Variants in CLEC16A observed in about 807,000 individuals in gnomAD.
The protein encoded by CLEC16A is C-type lectin domain containing 16A, also known as protein CLEC16A.
CLEC16A carries 51 observed loss-of-function variants against 109.5 expected under a neutral mutation model. That is an observed-to-expected ratio of 0.47 (90% CI 0.37 to 0.59). The LOEUF (loss-of-function observed/expected upper bound fraction) is 0.59. Among genes scored for constraint, CLEC16A ranks in the 20% least tolerant of loss-of-function variants. The probability of loss-of-function intolerance (pLI) is 0.00; values close to 1 mark genes in which losing one functional copy is unlikely to be tolerated. For missense variants in CLEC16A, 1,339 were observed against 1,394.0 expected, an observed-to-expected ratio of 0.96 and a Z score of 0.63; for synonymous variants, 673 against 564.2, an observed-to-expected ratio of 1.19 and a Z score of -2.73.
chr16:10,956,189 TC>T (rs1429057266), intron 1 of CLEC16A, among the ~76,000 whole-genome samples: 3 of 152,264 alleles, frequency 2.0e-5, no homozygotes, highest in Non-Finnish European at 4.4e-5. Flanking sequence ...TGAGGGCTCT[TC>T]TAATTACTGC....
chr16:11,084,466 G>C (rs1434559159), intron 19 of CLEC16A, among the ~76,000 whole-genome samples: 1 of 152,094 alleles, frequency 6.6e-6, no homozygotes, highest in South Asian at 2.1e-4. Flanking sequence ...ATGGAAATGC[G>C]AGTGGGTTAG....
chr16:11,042,495 C>T (rs2047394105), intron 15 of CLEC16A, 132 bp downstream of exon 15: 2 of 654,814 alleles, frequency 3.1e-6, no homozygotes, highest in Non-Finnish European at 5.2e-6. Context: ...GCAGCAGGGG[C>T]TGCTCTCTTG....
chr16:10,992,644 T>A (rs961232167), intron 10 of CLEC16A, among the ~76,000 whole-genome samples: 10 of 152,044 alleles, frequency 6.6e-5, no homozygotes, highest in African/African-American at 2.4e-4. Context: ...ATGAGCAGAA[T>A]GTGCTCCATC....
At chr16:10,994,283 T>C (rs2044203458) in intron 10 of CLEC16A, among the ~76,000 whole-genome samples, 1 of 152,226 alleles carries the variant, frequency 6.6e-6, no homozygotes, top group South Asian at 2.1e-4. Context: ...ATGTTGCAGC[T>C]GTGCATTCTT....
intron 22 of CLEC16A, among the ~76,000 whole-genome samples, chr16:11,145,893 C>T (rs919423450): frequency 6.6e-6 from 1 of 152,226 alleles, no homozygotes; most frequent in Non-Finnish European, 1.5e-5. Flanking sequence ...AGCCAAAGTC[C>T]TCACGGTAGC....
intron 19 of CLEC16A, among the ~76,000 whole-genome samples, chr16:11,061,318 C>G (rs2048468904): frequency 6.6e-6 from 1 of 152,164 alleles, no homozygotes; most frequent in Non-Finnish European, 1.5e-5. Flanking sequence ...GGTTCCTGTC[C>G]TCCCTATAAA....
intron 6 of CLEC16A, 144 bp downstream of exon 6, chr16:10,972,703 C>T (rs1327136001): frequency 1.2e-6 from 1 of 854,786 alleles, no homozygotes; most frequent in Non-Finnish European, 1.8e-6. Flanking sequence ...TAATGTTTAG[C>T]CCAACTAATT....
intron 13 of CLEC16A, among the ~76,000 whole-genome samples, chr16:11,029,826 C>T (rs972086891): frequency 6.6e-6 from 1 of 152,198 alleles, no homozygotes; most frequent in Non-Finnish European, 1.5e-5. Context: ...GAAATCATCA[C>T]CATGATCAAG....
chr16:11,092,600 G>A (rs2050377604), intron 19 of CLEC16A, among the ~76,000 whole-genome samples: 1 of 152,176 alleles, frequency 6.6e-6, no homozygotes, highest in South Asian at 2.1e-4. Context: ...GGCATTTCCA[G>A]CATTTCCTTG....
intron 10 of CLEC16A, among the ~76,000 whole-genome samples, chr16:10,991,039 T>C (rs1286468628): frequency 6.6e-6 from 1 of 152,168 alleles, no homozygotes; most frequent in East Asian, 1.9e-4. Flanking sequence ...TGGAGATATA[T>C]ACCCAGTGAG....
chr16:10,971,379 T>G, intron 5 of CLEC16A, 149 bp downstream of exon 5: 2 of 817,884 alleles, frequency 2.4e-6, no homozygotes, highest in South Asian at 3.9e-5. Flanking sequence ...AAACTTGGAA[T>G]CCCCTAGCAT....
chr16:11,021,699 G>C (rs115126836), intron 12 of CLEC16A, among the ~76,000 whole-genome samples: 1 of 152,184 alleles, frequency 6.6e-6, no homozygotes, highest in African/African-American at 2.4e-5. Context: ...TTGAGAGGCT[G>C]AGGTGGGAGA....
At chr16:11,148,950 A>G (rs2054182613) in intron 22 of CLEC16A, among the ~76,000 whole-genome samples, 1 of 152,250 alleles carries the variant, frequency 6.6e-6, no homozygotes, top group East Asian at 1.9e-4. Flanking sequence ...ATGATTATTT[A>G]TTAATTGTGA....
At chr16:11,122,645 T>C (rs924649952) in intron 20 of CLEC16A, among the ~76,000 whole-genome samples, 1 of 152,194 alleles carries the variant, frequency 6.6e-6, no homozygotes, top group Non-Finnish European at 1.5e-5. Flanking sequence ...ACCACAACCA[T>C]CTTCCTCTGT....
chr16:11,060,577 G>A (rs1198308207), intron 18 of CLEC16A, among the ~76,000 whole-genome samples: 4 of 152,226 alleles, frequency 2.6e-5, no homozygotes, highest in African/African-American at 9.6e-5. Flanking sequence ...TCTGTGAAAT[G>A]GGGCTGACTG....
intron 21 of CLEC16A, among the ~76,000 whole-genome samples, chr16:11,125,128 A>G (rs2052712655): frequency 6.6e-6 from 1 of 152,090 alleles, no homozygotes; most frequent in African/African-American, 2.4e-5. Flanking sequence ...GGCGTTACCG[A>G]TGCGATGATT....
At chr16:11,155,856 T>A (rs1412194133) in intron 22 of CLEC16A, among the ~76,000 whole-genome samples, 1 of 152,230 alleles carries the variant, frequency 6.6e-6, no homozygotes, top group East Asian at 1.9e-4. Flanking sequence ...TGGTGCTCTC[T>A]GCCTTGGGTG....
chr16:11,107,279 G>A (rs552295141), intron 19 of CLEC16A, among the ~76,000 whole-genome samples: 6 of 151,948 alleles, frequency 3.9e-5, no homozygotes, highest in South Asian at 2.1e-4. Context: ...TAGAGGGTGC[G>A]GCTTATAGGC....
chr16:11,114,503 C>T (rs2051835063), intron 19 of CLEC16A, among the ~76,000 whole-genome samples: 1 of 152,152 alleles, frequency 6.6e-6, no homozygotes, highest in African/African-American at 2.4e-5. Flanking sequence ...GAGCCGTCTG[C>T]CACCAAGTCC....
Sources: allele counts gnomAD v4.1 joint callset (sites outside exome capture counted in the v4.1 genomes callset), GRCh38; gene constraint gnomAD v4.1.1; transcripts MANE v1.5; gene names NCBI Gene and HGNC (gene_info 2026-07-23, HGNC 2026-07-21).